The following DLGAP1 variants were observed in gnomAD, a reference collection of about 807,000 sequenced individuals.
DLGAP1 encodes the protein DLG associated protein 1, also known as disks large-associated protein 1.
A neutral mutation model predicts 90.8 loss-of-function variants in DLGAP1; 11 were observed. The observed-to-expected ratio is 0.12, with a 90% CI of 0.08 to 0.20. The LOEUF is 0.20. Ranked by LOEUF, DLGAP1 falls within the 10% of genes least tolerant of loss-of-function variation. The pLI, the probability that DLGAP1 is intolerant of heterozygous loss-of-function variation, is 1.00. For missense variants in DLGAP1, 1,050 were observed against 1,333.8 expected, an observed-to-expected ratio of 0.79 and a Z score of 3.31; for synonymous variants, 558 against 540.7, an observed-to-expected ratio of 1.03 and a Z score of -0.44.
In DLGAP1 at chr18:3,833,108, TTAATTTTCTATG is replaced by T. The variant is rs368016509; in HGVS notation, c.958-18847_958-18836del. Among the ~76,000 whole-genome samples the T allele has an allele frequency of 9.1e-3, 1,390 of 151,922 alleles. 13 individuals are homozygous for T. The highest frequency in any genetic ancestry group is 0.032 in the African/African-American group (1,319 of 41,262). On this transcript the variant is annotated intron_variant, in intron 4 of 12. Transcript: ENST00000315677. Reference sequence around the variant, plus strand: ...TTGGTGGTGTAATTTTCTTTTTTCTTTAATTTTCTATGAATTATAAGATTCCTTCCTTCCTTC... The same window carrying T: ...TTGGTGGTGTAATTTTCTTTTTTCTTAATTATAAGATTCCTTCCTTCCTTC...
chr18:3,851,556 T>C (rs1297441878), intron 4 of DLGAP1, among the ~76,000 whole-genome samples: 1 of 152,162 alleles, frequency 6.6e-6, no homozygotes, highest in Non-Finnish European at 1.5e-5. Context: ...CTCATTCAAA[T>C]AGGAGTAATA....
chr18:3,799,497 G>GT (rs1443703499), intron 5 of DLGAP1, among the ~76,000 whole-genome samples: 2 of 100,142 alleles, frequency 2.0e-5, no homozygotes, highest in South Asian at 3.5e-4. Context: ...AAAACGTAGT[G>GT]CCTTTTTTTT....
At position 3,742,525 on chromosome 18, in the gene DLGAP1, A is replaced by T; in HGVS notation, c.1173-13T>A. ...TTCATTGGAGATTCTGGAAGGGAAC[A>T]ATGGAAGAGGTGCATTAGTCACATT... On this transcript the variant is annotated splice_polypyrimidine_tract_variant and intron_variant, in intron 5 of 12. Transcript: ENST00000315677. 1 of 1,613,762 alleles carries T rather than the reference A, an allele frequency of 6.2e-7. No individual in the cohort carries two copies. The highest frequency in any genetic ancestry group is 8.5e-7 in the Non-Finnish European group (1 of 1,179,724).
intron 3 of DLGAP1, among the ~76,000 whole-genome samples, chr18:4,003,138 G>A (rs2074230636): frequency 6.6e-6 from 1 of 152,184 alleles, no homozygotes; most frequent in Non-Finnish European, 1.5e-5. Context: ...CCCCTCGTGG[G>A]AACATATTAA....
intron 2 of DLGAP1, among the ~76,000 whole-genome samples, chr18:4,032,486 T>C (rs894226342): frequency 5.3e-5 from 8 of 152,094 alleles, no homozygotes; most frequent in Admixed American, 3.3e-4. Flanking sequence ...TAAGTCCAGG[T>C]TTCTTTGTCC....
intron 7 of DLGAP1, among the ~76,000 whole-genome samples, chr18:3,639,686 T>C (rs974609762): frequency 6.6e-6 from 1 of 151,516 alleles, no homozygotes; most frequent in African/African-American, 2.4e-5. Flanking sequence ...CAGATGATGA[T>C]GAAGTAACAG....
At chr18:3,549,702 T>C (rs1320011017) in intron 9 of DLGAP1, among the ~76,000 whole-genome samples, 2 of 152,146 alleles carry the variant, frequency 1.3e-5, no homozygotes, top group African/African-American at 4.8e-5. Flanking sequence ...CTGATATAGC[T>C]GTATTATTAA....
intron 1 of DLGAP1, among the ~76,000 whole-genome samples, chr18:4,435,443 G>A (rs2083379694): frequency 6.6e-6 from 1 of 152,100 alleles, no homozygotes; most frequent in Admixed American, 6.6e-5. Flanking sequence ...AGAAAAGGAA[G>A]AGGAGTCAAG....
chr18:3,874,039 T>G lies in DLGAP1; in HGVS notation c.957+5073A>C, dbSNP rs2070910207. On this transcript the variant is annotated intron_variant, in intron 4 of 12. Coordinates refer to ENST00000315677, the MANE Select transcript of DLGAP1 (RefSeq NM_004746.4). The stretch of plus-strand genomic sequence containing the variant: ...CTCTTCCAGTCTTTCTAGCCATTAT[T>G]TAGAGGAGAAATAAAATCACAAATA... 3 of 1,504,866 alleles carry G rather than the reference T, an allele frequency of 2.0e-6. No homozygotes were observed. In the Admixed American group the frequency reaches 6.5e-5, roughly 33 times the overall value. The allele number at this position is 1,504,866 out of a possible 1,614,324, so 93.2% of individuals were successfully genotyped here.
chr18:4,292,147 G>A (rs2079864296), intron 1 of DLGAP1, among the ~76,000 whole-genome samples: 1 of 152,064 alleles, frequency 6.6e-6, no homozygotes, highest in Non-Finnish European at 1.5e-5. Context: ...GAACTCAATT[G>A]TTCAAAATTG....
chr18:4,133,972 T>C (rs1281962042), intron 2 of DLGAP1, among the ~76,000 whole-genome samples: 1 of 149,550 alleles, frequency 6.7e-6, no homozygotes, highest in Non-Finnish European at 1.5e-5. Flanking sequence ...CCAAAGATTT[T>C]GACATTGAGA....
At chr18:4,047,136 C>A (rs1050080087) in intron 2 of DLGAP1, among the ~76,000 whole-genome samples, 2 of 152,168 alleles carry the variant, frequency 1.3e-5, no homozygotes, top group Non-Finnish European at 2.9e-5. Flanking sequence ...CAGAACCATG[C>A]AAAAAGAACA....
intron 6 of DLGAP1, among the ~76,000 whole-genome samples, chr18:3,738,603 A>G (rs1371445267): frequency 6.6e-6 from 1 of 152,088 alleles, no homozygotes. Flanking sequence ...TCCCTTCCTT[A>G]CACCTTATAC....
At chr18:3,855,326 G>A (rs770300435) in intron 4 of DLGAP1, among the ~76,000 whole-genome samples, 2 of 152,050 alleles carry the variant, frequency 1.3e-5, no homozygotes, top group Non-Finnish European at 2.9e-5. Context: ...GCTGCCTATC[G>A]GGTGTTACGC....
At chr18:3,931,609 G>A (rs148339530) in intron 3 of DLGAP1, among the ~76,000 whole-genome samples, 268 of 152,160 alleles carry the variant, frequency 1.8e-3, no homozygotes, top group Non-Finnish European at 2.7e-3. Flanking sequence ...AATGCAGCTC[G>A]TCTGGCCTTT....
At chr18:4,346,833 C>T (rs1410261567) in intron 1 of DLGAP1, among the ~76,000 whole-genome samples, 2 of 151,818 alleles carry the variant, frequency 1.3e-5, no homozygotes, top group Non-Finnish European at 2.9e-5. Context: ...TAAATAATTG[C>T]ATATAGGAGG....
At chr18:4,404,851 T>C (rs1006387223) in intron 1 of DLGAP1, among the ~76,000 whole-genome samples, 3 of 152,170 alleles carry the variant, frequency 2.0e-5, no homozygotes, top group Non-Finnish European at 4.4e-5. Flanking sequence ...AGGCACCTAA[T>C]AGTTTGATTT....
At position 3,879,585 on chromosome 18, in the gene DLGAP1, T is replaced by A. The variant is rs779883499; in HGVS notation, c.484A>T (p.Ser162Cys). Residue 162 changes from serine to cysteine, a missense_variant, in exon 4 of 13, where the codon AGC becomes TGC. Transcript: ENST00000315677. The surrounding 1 kb of genome is among the most constrained non-coding windows in gnomAD (Gnocchi z 6.6). ...GGGCTGGCCTTGCCCCCGTTGACGC[T>A]GCCCTTGGACGGCCCCTCCAGGGAG... ...SHSLEGPSKG[S>C]VNGGKASPDE... is the part of the protein sequence containing the mutation. 1.3e-5 allele frequency: 21 copies of A among 1,600,260 alleles called. No homozygotes were observed. The highest frequency in any genetic ancestry group is 1.7e-5 in the Non-Finnish European group (20 of 1,177,520).
chr18:4,115,662 A>G (rs2076052136), intron 2 of DLGAP1, among the ~76,000 whole-genome samples: 1 of 151,734 alleles, frequency 6.6e-6, no homozygotes, highest in African/African-American at 2.4e-5. Context: ...ATTTTTTTGT[A>G]TTTTTAGTAC....
Sources: gnomAD v4.1 joint callset for allele counts (sites outside exome capture counted in the v4.1 genomes callset) on GRCh38, gnomAD v4.1.1 for gene constraint, Gnocchi (gnomAD v3.1) non-coding constraint, MANE v1.5 for transcripts, NCBI Gene and HGNC (gene_info 2026-07-23, HGNC 2026-07-21) for gene names.